FLVCR2: variants seen among roughly 807,000 people sequenced by gnomAD.
FLVCR2 encodes choline/ethanolamine transporter FLVCR2.
Under a neutral mutation model 48.9 loss-of-function variants are expected in FLVCR2, and 38 were observed. The ratio of observed to expected loss-of-function variants is 0.78; its 90% confidence interval spans 0.60 to 1.02. The LOEUF (loss-of-function observed/expected upper bound fraction) is 1.02. FLVCR2 is among the 50% of genes least tolerant of loss of function. The pLI is 0.00. For missense variants in FLVCR2, 664 were observed against 663.3 expected, an observed-to-expected ratio of 1.00 and a Z score of -0.01; for synonymous variants, 255 against 257.0, an observed-to-expected ratio of 0.99 and a Z score of 0.07.
chr14:75,606,413 C>G (rs984511361), intron 1 of FLVCR2, among the ~76,000 whole-genome samples: 27 of 152,130 alleles, frequency 1.8e-4, no homozygotes, highest in African/African-American at 6.0e-4. Flanking sequence ...CTCCTTAGAC[C>G]TTTATCCCGG....
At chr14:75,640,906 C>A in intron 6 of FLVCR2, 49 bp from the exon 7 acceptor site, 1 of 1,365,706 alleles carries the variant, frequency 7.3e-7, no homozygotes, top group Non-Finnish European at 1.0e-6. Context: ...CCCCATCCTT[C>A]TTGTTCTGGA....
At chr14:75,589,042 G>C (rs1399177517) in intron 1 of FLVCR2, among the ~76,000 whole-genome samples, 3 of 151,544 alleles carry the variant, frequency 2.0e-5, no homozygotes, top group Non-Finnish European at 4.4e-5. Flanking sequence ...AACCAGCCTG[G>C]ACAACATTTT....
chr14:75,604,672 T>A (rs1036659458), intron 1 of FLVCR2, among the ~76,000 whole-genome samples: 2 of 152,218 alleles, frequency 1.3e-5, no homozygotes, highest in African/African-American at 4.8e-5. Context: ...AGGCCAATAC[T>A]GAAATCTCTC....
Position 75,641,066 on chromosome 14 carries a change from G to A in FLVCR2, c.1341+6G>A. On this transcript the variant is annotated splice_donor_region_variant and intron_variant, in intron 7 of 9. Transcript: ENST00000238667. ...TCCTCAACATATCTGCACAGGTAGAGCTCGTATTTCCTGTTTGTTTCCTGG... is the reference window on the plus strand; with the variant it reads ...TCCTCAACATATCTGCACAGGTAGAACTCGTATTTCCTGTTTGTTTCCTGG... The A allele has an allele frequency of 1.2e-6, 2 of 1,607,428 alleles. No individual in the cohort carries two copies. Among genetic ancestry groups the A allele is most frequent in the Non-Finnish European group, 1.7e-6 (2 of 1,173,896 alleles).
intron 1 of FLVCR2, chr14:75,596,208 A>G (rs1407893340): frequency 8.8e-6 from 6 of 685,612 alleles, no homozygotes; most frequent in Non-Finnish European, 1.1e-5. Flanking sequence ...GTCGTTCATG[A>G]TGGTGGTCTA....
In FLVCR2 at chr14:75,634,903, T is replaced by G. The variant is rs768094437; in HGVS notation, c.1021-7T>G. The G allele has an allele frequency of 3.7e-6, 6 of 1,604,718 alleles. No homozygotes were observed. The highest frequency in any genetic ancestry group is 5.1e-6 in the Non-Finnish European group (6 of 1,171,868). On this transcript the variant is annotated splice_region_variant and splice_polypyrimidine_tract_variant and intron_variant, in intron 4 of 9. Coordinates refer to ENST00000238667, the MANE Select transcript of FLVCR2 (RefSeq NM_017791.3). ...CCGGGTGATCTTTGGGGTTATGGTTTCCCCAGGGGGAAGAAGTGAATGCTG... is the reference window on the plus strand; with the variant it reads ...CCGGGTGATCTTTGGGGTTATGGTTGCCCCAGGGGGAAGAAGTGAATGCTG...
intron 4 of FLVCR2, among the ~76,000 whole-genome samples, chr14:75,634,223 C>T (rs973771057): frequency 8.5e-5 from 13 of 152,162 alleles, no homozygotes; most frequent in African/African-American, 3.1e-4. Flanking sequence ...GGACTAGGCT[C>T]TCACACTTGC....
At chr14:75,597,222 A>C (rs1444078886) in intron 1 of FLVCR2, among the ~76,000 whole-genome samples, 3 of 151,514 alleles carry the variant, frequency 2.0e-5, no homozygotes, top group Admixed American at 6.6e-5. Context: ...TTGAGGCTGC[A>C]GTGGGCCATG....
chr14:75,588,852 T>A (rs556513576), intron 1 of FLVCR2, among the ~76,000 whole-genome samples: 2 of 152,346 alleles, frequency 1.3e-5, no homozygotes, highest in Admixed American at 6.5e-5. Context: ...TTTTATGTCC[T>A]TCTCTTGGAC....
chr14:75,641,063 A>G lies in FLVCR2; in HGVS notation c.1341+3A>G. The stretch of plus-strand genomic sequence containing the variant: ...GCCTCCTCAACATATCTGCACAGGT[A>G]GAGCTCGTATTTCCTGTTTGTTTCC... On this transcript the variant is annotated splice_donor_region_variant and intron_variant, in intron 7 of 9. Transcript: ENST00000238667. The G allele has an allele frequency of 4.4e-6, 7 of 1,604,262 alleles. No individual in the cohort carries two copies. The highest frequency in any genetic ancestry group is 1.1e-5 in the South Asian group (1 of 90,858).
intron 1 of FLVCR2, among the ~76,000 whole-genome samples, chr14:75,593,771 T>C (rs1888949338): frequency 6.6e-6 from 1 of 152,240 alleles, no homozygotes; most frequent in African/African-American, 2.4e-5. Flanking sequence ...TTTCTCTCAT[T>C]GTCTTGATGA....
rs1390973814 is a variant in FLVCR2, at chr14:75,595,915, C to T, written c.669+16274C>T. On this transcript the variant is annotated intron_variant, in intron 1 of 9. Coordinates refer to ENST00000238667, the MANE Select transcript of FLVCR2 (RefSeq NM_017791.3). ...TGCTTTCTTGAGGTCTTTTTCTTCT[C>T]ATACAGGCCATGTCTTGCAAGTCTA... 9.0e-6 allele frequency: 11 copies of T among 1,217,884 alleles called. No homozygotes were observed. The Admixed American group carries it at 1.9e-4, about 20-fold the overall frequency. The allele number at this position is 1,217,884 out of a possible 1,614,324, so 75.4% of individuals were successfully genotyped here.
intron 5 of FLVCR2, among the ~76,000 whole-genome samples, chr14:75,638,395 C>T (rs1890220820): frequency 6.6e-6 from 1 of 152,112 alleles, no homozygotes; most frequent in Non-Finnish European, 1.5e-5. Flanking sequence ...TGAGATCACG[C>T]CACTGCACCC....
intron 1 of FLVCR2, among the ~76,000 whole-genome samples, chr14:75,614,414 C>T (rs1445830387): frequency 6.6e-6 from 1 of 152,182 alleles, no homozygotes; most frequent in African/African-American, 2.4e-5. Flanking sequence ...AAATGACTGA[C>T]AACCCAAAGA....
At chr14:75,632,228 A>C (rs1890061119) in intron 3 of FLVCR2, among the ~76,000 whole-genome samples, 1 of 152,250 alleles carries the variant, frequency 6.6e-6, no homozygotes, top group Admixed American at 6.5e-5. Flanking sequence ...TTGCAAAGCA[A>C]ATTATTTCCC....
At chr14:75,598,694 T>A (rs1374300424) in intron 1 of FLVCR2, among the ~76,000 whole-genome samples, 1 of 152,238 alleles carries the variant, frequency 6.6e-6, no homozygotes. Context: ...CAGGCTGGTC[T>A]TGAACTCCTG....
At chr14:75,603,388 G>A (rs1314583116) in intron 1 of FLVCR2, among the ~76,000 whole-genome samples, 1 of 152,158 alleles carries the variant, frequency 6.6e-6, no homozygotes, top group African/African-American at 2.4e-5. Context: ...AGAGACGGCT[G>A]GACAGCGGGA....
intron 2 of FLVCR2, among the ~76,000 whole-genome samples, chr14:75,623,411 CAG>C (rs1198180229): frequency 3.3e-5 from 5 of 152,108 alleles, no homozygotes; most frequent in African/African-American, 1.2e-4. Context: ...ACCAGCAAGA[CAG>C]AGGTTTTTAT....
intron 5 of FLVCR2, among the ~76,000 whole-genome samples, chr14:75,637,210 C>T (rs1292851119): frequency 1.3e-5 from 2 of 152,236 alleles, no homozygotes; most frequent in East Asian, 1.9e-4. Context: ...GGACAAGTAA[C>T]TTGAGTGGCC....
Sources: allele counts gnomAD v4.1 joint callset (sites outside exome capture counted in the v4.1 genomes callset), GRCh38; gene constraint gnomAD v4.1.1; transcripts MANE v1.5; gene names NCBI Gene and HGNC (gene_info 2026-07-23, HGNC 2026-07-21).